Variants in TBC1D4 observed in about 807,000 individuals in gnomAD.
TBC1D4 encodes TBC1 domain family member 4.
In TBC1D4, 121 loss-of-function variants were observed where a neutral mutation model predicts 142.5. The ratio of observed to expected loss-of-function variants is 0.85; its 90% CI spans 0.73 to 0.99. The LOEUF (loss-of-function observed/expected upper bound fraction) is 0.99. TBC1D4 is among the 50% of genes least tolerant of loss of function. The probability of loss-of-function intolerance (pLI) is 0.00; values close to 1 mark genes in which losing one functional copy is unlikely to be tolerated. For missense variants in TBC1D4, 1,475 were observed against 1,606.6 expected, an observed-to-expected ratio of 0.92 and a Z score of 1.40; for synonymous variants, 630 against 628.2, an observed-to-expected ratio of 1.00 and a Z score of -0.04.
intron 1 of TBC1D4, among the ~76,000 whole-genome samples, chr13:75,460,036 G>A (rs148420500): frequency 0.019 from 2,949 of 152,148 alleles, 40 homozygotes; most frequent in Non-Finnish European, 0.032. Context: ...CCAGCTACTT[G>A]GGAGGCTGAG....
At chr13:75,458,785 A>T (rs1887842795) in intron 1 of TBC1D4, among the ~76,000 whole-genome samples, 1 of 152,168 alleles carries the variant, frequency 6.6e-6, no homozygotes, top group Non-Finnish European at 1.5e-5. Context: ...CTGAACTACT[A>T]GACATAGGAG....
At chr13:75,453,161 T>G (rs996025125) in intron 1 of TBC1D4, among the ~76,000 whole-genome samples, 31 of 151,882 alleles carry the variant, frequency 2.0e-4, no homozygotes, top group African/African-American at 7.2e-4. Flanking sequence ...TAATTAAATT[T>G]TATATTATAT....
chr13:75,293,142 A>T (rs1875518123), intron 18 of TBC1D4, among the ~76,000 whole-genome samples: 1 of 152,270 alleles, frequency 6.6e-6, no homozygotes, highest in East Asian at 1.9e-4. Flanking sequence ...CAATAGAGCA[A>T]GACTCAGTCT....
At position 75,473,968 on chromosome 13, in the gene TBC1D4, T is replaced by A. The variant is rs149303808; in HGVS notation, c.498+7302A>T. ...AAAATTATAATGGTTATAAATACTATAGACTCATAGTTTATTCCCCCGCCA... is the reference window on the plus strand; with the variant it reads ...AAAATTATAATGGTTATAAATACTAAAGACTCATAGTTTATTCCCCCGCCA... On this transcript the variant is annotated intron_variant, in intron 1 of 20. Coordinates refer to ENST00000377636, the MANE Select transcript of TBC1D4 (RefSeq NM_014832.5). Among the ~76,000 whole-genome samples the A allele has an allele frequency of 6.8e-3, 1,041 of 152,334 alleles. 7 individuals are homozygous for A. The highest frequency in any genetic ancestry group is 0.024 in the African/African-American group (986 of 41,584).
At chr13:75,466,259 A>C (rs1483068875) in intron 1 of TBC1D4, among the ~76,000 whole-genome samples, 1 of 152,238 alleles carries the variant, frequency 6.6e-6, no homozygotes, top group Non-Finnish European at 1.5e-5. Flanking sequence ...ACTTAGCAGA[A>C]GTTAGTTACT....
chr13:75,341,086 C>T (rs1880653693), intron 7 of TBC1D4, 39 bp downstream of exon 7: 2 of 1,580,122 alleles, frequency 1.3e-6, no homozygotes, highest in Non-Finnish European at 8.7e-7. Flanking sequence ...AATTATTAAA[C>T]AACAACAAAA....
At chr13:75,453,130 CAT>C in intron 1 of TBC1D4, among the ~76,000 whole-genome samples, 1 of 151,954 alleles carries the variant, frequency 6.6e-6, no homozygotes. Context: ...ACAAAGCAGT[CAT>C]AATACATAAT....
chr13:75,343,503 G>GTTTATTTTATTTTATTTTAT lies in TBC1D4; in HGVS notation c.1409-1936_1409-1917dup, dbSNP rs551919027. On this transcript the variant is annotated intron_variant, in intron 5 of 20. Coordinates refer to ENST00000377636, the MANE Select transcript of TBC1D4 (RefSeq NM_014832.5). The stretch of plus-strand genomic sequence containing the variant: ...TGGTATGACACCACTCACTATCACA[G>GTTTATTTTATTTTATTTTAT]TTTATTTTATTTTATTTTATTTTAT... 5.0e-3 allele frequency among the ~76,000 whole-genome samples: 757 copies of GTTTATTTTATTTTATTTTAT among 152,076 alleles called. 7 individuals are homozygous for GTTTATTTTATTTTATTTTAT. The highest frequency in any genetic ancestry group is 0.017 in the African/African-American group (709 of 41,440).
At chr13:75,299,268 G>A in intron 17 of TBC1D4, 62 bp downstream of exon 17, 2 of 1,610,128 alleles carry the variant, frequency 1.2e-6, no homozygotes, top group Non-Finnish European at 1.7e-6. Context: ...TAATAATTGA[G>A]AAGAGGGCCA....
intron 1 of TBC1D4, among the ~76,000 whole-genome samples, chr13:75,386,388 TTTTC>T (rs1884170979): frequency 4.3e-4 from 1 of 2,346 alleles, no homozygotes; most frequent in African/African-American, 4.5e-4. Flanking sequence ...TTCTTTTTCT[TTTTC>T]TTTTTTTTTT....
chr13:75,449,158 T>G (rs1337615970), intron 1 of TBC1D4, among the ~76,000 whole-genome samples: 2 of 152,166 alleles, frequency 1.3e-5, no homozygotes, highest in African/African-American at 4.8e-5. Context: ...TCCCCCCGTG[T>G]CCTCAGGGAT....
At chr13:75,349,027 C>G in intron 5 of TBC1D4, 143 bp downstream of exon 5, 1 of 1,221,624 alleles carries the variant, frequency 8.2e-7, no homozygotes, top group Non-Finnish European at 1.2e-6. Flanking sequence ...ACAGCCCACT[C>G]ACATTTGAGT....
intron 1 of TBC1D4, among the ~76,000 whole-genome samples, chr13:75,455,765 A>G (rs1035913492): frequency 1.3e-5 from 2 of 152,136 alleles, no homozygotes; most frequent in African/African-American, 4.8e-5. Context: ...AAAAAACCGA[A>G]GAGTCTCCAC....
At chr13:75,405,108 C>A (rs1461426132) in intron 1 of TBC1D4, among the ~76,000 whole-genome samples, 3 of 152,152 alleles carry the variant, frequency 2.0e-5, no homozygotes, top group Non-Finnish European at 4.4e-5. Flanking sequence ...AGGGAGAATA[C>A]AGCTCACCAG....
chr13:75,405,262 A>G (rs1191322632), intron 1 of TBC1D4, among the ~76,000 whole-genome samples: 1 of 137,750 alleles, frequency 7.3e-6, no homozygotes, highest in African/African-American at 2.6e-5. Flanking sequence ...ATATACATGT[A>G]TATATGCTTT....
chr13:75,449,766 T>C (rs1349547628), intron 1 of TBC1D4, among the ~76,000 whole-genome samples: 2 of 152,086 alleles, frequency 1.3e-5, no homozygotes, highest in African/African-American at 2.4e-5. Context: ...TTTGTATTTT[T>C]AGTAGAGACT....
intron 13 of TBC1D4, 113 bp from the exon 14 acceptor site, chr13:75,310,264 C>G: frequency 9.2e-7 from 1 of 1,088,986 alleles, no homozygotes; most frequent in Non-Finnish European, 1.4e-6. Flanking sequence ...GTCACAAAGC[C>G]GCTTTCCCTG....
chr13:75,367,172 A>G (rs1180196723), intron 1 of TBC1D4, among the ~76,000 whole-genome samples: 3 of 152,220 alleles, frequency 2.0e-5, no homozygotes, highest in Admixed American at 6.5e-5. Flanking sequence ...GGGACTAAAG[A>G]GCAAAGCTTT....
At chr13:75,317,143 C>T (rs971299803) in intron 12 of TBC1D4, among the ~76,000 whole-genome samples, 6 of 152,106 alleles carry the variant, frequency 3.9e-5, no homozygotes, top group African/African-American at 1.4e-4. Flanking sequence ...GGATGCAAAC[C>T]TAGGTGGTCC....
Sources: allele counts gnomAD v4.1 joint callset (sites outside exome capture counted in the v4.1 genomes callset), GRCh38; gene constraint gnomAD v4.1.1; transcripts MANE v1.5; gene names NCBI Gene and HGNC (gene_info 2026-07-23, HGNC 2026-07-21).